The following AFG3L2 variants were observed in gnomAD, a reference collection of about 807,000 sequenced individuals.
The protein encoded by AFG3L2 is mitochondrial inner membrane m-AAA protease component AFG3L2.
In AFG3L2, 54 loss-of-function variants were observed where a neutral mutation model predicts 94.5. The ratio of observed to expected loss-of-function variants is 0.57; its 90% CI spans 0.46 to 0.72. The LOEUF (loss-of-function observed/expected upper bound fraction) is 0.72, where lower values mean the gene tolerates loss of function less well. AFG3L2 is among the 30% of genes least tolerant of loss of function. The probability of loss-of-function intolerance (pLI) is 0.00; values close to 1 mark genes in which losing one functional copy is unlikely to be tolerated. For synonymous variants in AFG3L2, 377 were observed against 365.5 expected, an observed-to-expected ratio of 1.03 and a Z score of -0.36; for missense variants, 754 against 994.9, an observed-to-expected ratio of 0.76 and a Z score of 3.26.
At chr18:12,329,824 A>T (rs933504920) in intron 16 of AFG3L2, 41 bp from the exon 17 acceptor site, 3 of 1,532,574 alleles carry the variant, frequency 2.0e-6, no homozygotes, top group Non-Finnish European at 2.7e-6. Context: ...GTTACTCAGC[A>T]AAGTCTATTC....
chr18:12,375,695 G>A (rs1432655719), intron 1 of AFG3L2, among the ~76,000 whole-genome samples: 1 of 152,158 alleles, frequency 6.6e-6, no homozygotes, highest in Non-Finnish European at 1.5e-5. Context: ...ACAGGCGCCC[G>A]CCACCACGCC....
Position 12,351,403 on chromosome 18 carries a change from T to C in AFG3L2, c.1329A>G (p.Thr443=). The C allele has an allele frequency of 6.2e-7, 1 of 1,614,102 alleles. No homozygotes were observed. The highest frequency in any genetic ancestry group is 1.3e-5 in the African/African-American group (1 of 75,048). ...CGGCCAAAATGACGACATTTGTTGT[T>C]GTATTAAAACCTGAAAGATAACAAA... ...QLLVEMDGFN[T]TTNVVILAGT... Residue 443 remains threonine (T), a synonymous_variant, in exon 11 of 17, where the codon ACA becomes ACG. Transcript: ENST00000269143.
chr18:12,371,675 G>T lies in AFG3L2; in HGVS notation c.131C>A (p.Thr44Lys). 1 of 1,613,960 alleles carries T rather than the reference G, an allele frequency of 6.2e-7. No individual in the cohort carries two copies. Residue 44 changes from threonine (T) to lysine (K), a missense_variant, in exon 2 of 17, where the codon ACA (threonine) becomes AAA (lysine). By Grantham distance (78) the Thr-to-Lys change is moderately conservative. Coordinates refer to ENST00000269143, the MANE Select transcript of AFG3L2 (RefSeq NM_006796.3). ...PCLRTLYRFVTTQARASRNSL... is the reference protein window; with the variant it reads ...PCLRTLYRFVKTQARASRNSL... ...ATTTCTGCTGGCCCTTGCTTGAGTT[G>T]TAACAAATCGGTAAAGCTGCAACAA...
intron 6 of AFG3L2, among the ~76,000 whole-genome samples, chr18:12,363,505 G>A (rs1292866397): frequency 6.6e-6 from 1 of 151,926 alleles, no homozygotes; most frequent in Non-Finnish European, 1.5e-5. Context: ...AGACTATTCT[G>A]GAATACTGAA....
At chr18:12,364,876 C>G (rs1440590392) in intron 5 of AFG3L2, among the ~76,000 whole-genome samples, 1 of 151,836 alleles carries the variant, frequency 6.6e-6, no homozygotes, top group African/African-American at 2.4e-5. Flanking sequence ...CCCTACATTC[C>G]CCAGGCTGGT....
chr18:12,366,104 C>T (rs1908798971), intron 5 of AFG3L2, among the ~76,000 whole-genome samples: 1 of 152,108 alleles, frequency 6.6e-6, no homozygotes, highest in Admixed American at 6.5e-5. Context: ...TCTCAATCTC[C>T]TGACCTCGTG....
chr18:12,329,615 C>T lies in AFG3L2; in HGVS notation c.2344G>A (p.Glu782Lys). The T allele has an allele frequency of 6.2e-7, 1 of 1,614,190 alleles. No homozygotes were observed. The highest frequency in any genetic ancestry group is 8.5e-7 in the Non-Finnish European group (1 of 1,180,044). ...GGCTCCTCTTTCTCCTTTTCCCGCT[C>T]CTTGTTCCAGTCCTTAAGGCCTTCT... The part of the protein sequence containing the change: ...LPEGLKDWNK[E>K]REKEKEEPPG... The change falls in exon 17 of 17, where the codon GAG becomes AAG. Residue 782 changes from glutamate (E) to lysine (K), a missense_variant. Glu to Lys is a moderately conservative substitution (Grantham distance 56, BLOSUM62 1). Coordinates refer to ENST00000269143, the MANE Select transcript of AFG3L2 (RefSeq NM_006796.3).
At chr18:12,358,981 G>A (rs531732156) in intron 7 of AFG3L2, 38 bp from the exon 8 acceptor site, 2 of 1,590,038 alleles carry the variant, frequency 1.3e-6, no homozygotes, top group African/African-American at 2.7e-5. Flanking sequence ...AGGACTGGCT[G>A]CTCACCTCCA....
At chr18:12,337,631 T>A in intron 15 of AFG3L2, 96 bp from the exon 16 acceptor site, 1 of 1,165,556 alleles carries the variant, frequency 8.6e-7, no homozygotes, top group Non-Finnish European at 1.3e-6. Flanking sequence ...TGCACAAAGG[T>A]GCTCTGTGTA....
At chr18:12,368,196 A>T (rs768743514) in intron 3 of AFG3L2, among the ~76,000 whole-genome samples, 21 of 151,774 alleles carry the variant, frequency 1.4e-4, no homozygotes, top group Non-Finnish European at 2.5e-4. Flanking sequence ...AAAAATAAAA[A>T]AATAAAATAA....
chr18:12,359,038 A>T, intron 7 of AFG3L2, 95 bp from the exon 8 acceptor site: 5 of 1,491,082 alleles, frequency 3.4e-6, no homozygotes, highest in Non-Finnish European at 4.6e-6. Flanking sequence ...ATATAGCTAC[A>T]CCAAGGTATA....
intron 14 of AFG3L2, 94 bp downstream of exon 14, chr18:12,344,038 C>T (rs1286083426): frequency 8.8e-7 from 1 of 1,138,496 alleles, no homozygotes; most frequent in East Asian, 2.4e-5. Flanking sequence ...TTGTTTCTTT[C>T]TCCTTTGCAG....
intron 16 of AFG3L2, 180 bp from the exon 17 acceptor site, chr18:12,329,963 T>C (rs958046781): frequency 1.6e-6 from 1 of 622,450 alleles, no homozygotes; most frequent in Non-Finnish European, 2.8e-6. Context: ...AAGCAACCAA[T>C]GTCCATCTGT....
chr18:12,370,771 T>C, intron 3 of AFG3L2, 78 bp downstream of exon 3: 1 of 1,012,470 alleles, frequency 9.9e-7, no homozygotes, highest in East Asian at 2.5e-5. Flanking sequence ...ATAACTCTTT[T>C]CTTTGTTCAG....
intron 9 of AFG3L2, among the ~76,000 whole-genome samples, chr18:12,353,621 T>TAC (rs2143173821): frequency 6.6e-6 from 1 of 152,032 alleles, no homozygotes; most frequent in East Asian, 1.9e-4. Flanking sequence ...TTAAAAGAGT[T>TAC]ACAAGTAGCA....
chr18:12,360,366 C>A, intron 6 of AFG3L2: 1 of 316,756 alleles, frequency 3.2e-6, no homozygotes, highest in Non-Finnish European at 5.9e-6. Flanking sequence ...GCATTATTTC[C>A]CTCTTCCTCT....
At chr18:12,366,757 T>C (rs1908819413) in intron 5 of AFG3L2, among the ~76,000 whole-genome samples, 1 of 152,162 alleles carries the variant, frequency 6.6e-6, no homozygotes, top group Non-Finnish European at 1.5e-5. Context: ...GGTAGTGAAA[T>C]AAAAGAATTT....
chr18:12,355,687 T>A (rs1484623619), intron 9 of AFG3L2, among the ~76,000 whole-genome samples: 1 of 151,686 alleles, frequency 6.6e-6, no homozygotes, highest in Non-Finnish European at 1.5e-5. Context: ...TTTTTTTTTT[T>A]GAGACGAGTC....
chr18:12,348,301 A>G lies in AFG3L2; in HGVS notation c.1635T>C (p.Phe545=), dbSNP rs781247821. The G allele has an allele frequency of 9.3e-6, 15 of 1,614,190 alleles. 1 individual carries two copies. In the South Asian group the frequency reaches 1.6e-4, roughly 18 times the overall value. The change falls in exon 13 of 17, where the codon TTT becomes TTC. Residue 545 remains phenylalanine, a synonymous_variant. Transcript: ENST00000269143. ...HLSDSINQKH[F]EQAIERVIGG... ...CAATCACTCGTTCAATTGCCTGTTC[A>G]AAGTGTTTCTGATTTATGGAATCTG...
Sources: gnomAD v4.1 joint callset for allele counts (sites outside exome capture counted in the v4.1 genomes callset) on GRCh38, gnomAD v4.1.1 for gene constraint, MANE v1.5 for transcripts, NCBI Gene and HGNC (gene_info 2026-07-23, HGNC 2026-07-21) for gene names.